Variants in CIRSR observed in about 807,000 individuals in gnomAD.
CIRSR encodes the protein corepressor of RBPJ and splicing regulator.
the CIRSR span, chr2:174,369,930 A>G: frequency 7.4e-7 from 1 of 1,349,412 alleles, no homozygotes; most frequent in Non-Finnish European, 9.9e-7. Context: ...CCAGAGACAA[A>G]GTAAGCACAT....
the CIRSR span, chr2:174,348,525 G>A: frequency 6.2e-7 from 1 of 1,613,238 alleles, no homozygotes; most frequent in Admixed American, 1.7e-5. Context: ...TTTAGTATGT[G>A]TACCTCCTGG....
At chr2:174,372,058 T>C in the CIRSR span, among the ~76,000 whole-genome samples, 1 of 152,234 alleles carries the variant, frequency 6.6e-6, no homozygotes. Flanking sequence ...TTATTTGCTT[T>C]CCTATTTCAT....
the CIRSR span, among the ~76,000 whole-genome samples, chr2:174,376,747 A>G: frequency 2.0e-5 from 3 of 149,218 alleles, no homozygotes; most frequent in East Asian, 2.0e-4. Flanking sequence ...GCAGTGAGCC[A>G]AGATCGTGCC....
chr2:174,387,527 T>C, the CIRSR span: 1 of 682,774 alleles, frequency 1.5e-6, no homozygotes, highest in African/African-American at 1.9e-5. Context: ...AGTGGTCATC[T>C]ACAGGTATGA....
chr2:174,360,792 C>T, the CIRSR span, among the ~76,000 whole-genome samples: 2 of 152,018 alleles, frequency 1.3e-5, no homozygotes, highest in African/African-American at 4.8e-5. Flanking sequence ...ATGCTAACAA[C>T]AAATTTAATT....
At chr2:174,355,517 T>C in the CIRSR span, among the ~76,000 whole-genome samples, 1 of 152,220 alleles carries the variant, frequency 6.6e-6, no homozygotes, top group African/African-American at 2.4e-5. Flanking sequence ...TCATTTATTT[T>C]ACAAACTTTT....
At chr2:174,380,488 G>A in the CIRSR span, among the ~76,000 whole-genome samples, 7 of 152,212 alleles carry the variant, frequency 4.6e-5, no homozygotes, top group South Asian at 4.1e-4. Context: ...AAAAGACTAT[G>A]AGCAAGCAGA....
At chr2:174,362,719 TACATTTA>T in the CIRSR span, among the ~76,000 whole-genome samples, 3 of 33,108 alleles carry the variant, frequency 9.1e-5, 1 homozygote, top group Admixed American at 1.1e-3. Context: ...AAAAAAATCT[TACATTTA>T]TCAGAGAATT....
chr2:174,385,597 G>A, the CIRSR span, among the ~76,000 whole-genome samples: 1 of 152,058 alleles, frequency 6.6e-6, no homozygotes, highest in African/African-American at 2.4e-5. Context: ...AGACGAGTCT[G>A]ACCACCTTGT....
chr2:174,383,635 G>T, the CIRSR span, among the ~76,000 whole-genome samples: 3 of 148,988 alleles, frequency 2.0e-5, no homozygotes, highest in Admixed American at 2.0e-4. Context: ...CACAAAAATC[G>T]CTTGAACCTC....
chr2:174,384,518 T>C, the CIRSR span, among the ~76,000 whole-genome samples: 1 of 152,218 alleles, frequency 6.6e-6, no homozygotes. Flanking sequence ...TTTTATGCAA[T>C]ATATATTTTA....
the CIRSR span, among the ~76,000 whole-genome samples, chr2:174,383,711 C>A: frequency 9.1e-3 from 1,082 of 119,430 alleles, 33 homozygotes; most frequent in Admixed American, 0.068. Context: ...TAGAGTGAGA[C>A]TCCGTCTCAA....
At chr2:174,374,496 C>G in the CIRSR span, among the ~76,000 whole-genome samples, 1 of 152,100 alleles carries the variant, frequency 6.6e-6, no homozygotes, top group African/African-American at 2.4e-5. Flanking sequence ...GGCTGATGTG[C>G]AAGATGTCAA....
chr2:174,361,863 T>TA, the CIRSR span, among the ~76,000 whole-genome samples: 1 of 152,210 alleles, frequency 6.6e-6, no homozygotes, highest in Non-Finnish European at 1.5e-5. Flanking sequence ...TATTTTTTTT[T>TA]AAAAGCAATT....
chr2:174,358,608 T>C, the CIRSR span: 1 of 152,644 alleles, frequency 6.6e-6, no homozygotes, highest in African/African-American at 2.4e-5. Flanking sequence ...TATGCAAATA[T>C]TTTAGTGATG....
At chr2:174,352,037 TA>T in the CIRSR span, 1 of 192,110 alleles carries the variant, frequency 5.2e-6, no homozygotes, top group African/African-American at 2.3e-5. Flanking sequence ...AATATTATAA[TA>T]AAAAACTACA....
At chr2:174,371,645 AAGG>A in the CIRSR span, among the ~76,000 whole-genome samples, 5 of 152,248 alleles carry the variant, frequency 3.3e-5, no homozygotes, top group Admixed American at 6.5e-5. Flanking sequence ...TAACTTTGCA[AAGG>A]AGAAGTAAAT....
At chr2:174,384,403 T>C in the CIRSR span, among the ~76,000 whole-genome samples, 11 of 152,310 alleles carry the variant, frequency 7.2e-5, no homozygotes, top group South Asian at 1.9e-3. Flanking sequence ...AATGGTTTAA[T>C]GGTTACAAAG....
At chr2:174,367,818 T>C in the CIRSR span, among the ~76,000 whole-genome samples, 2 of 148,200 alleles carry the variant, frequency 1.3e-5, no homozygotes, top group Non-Finnish European at 3.0e-5. Flanking sequence ...CAACTATATG[T>C]TATTGCTGTC....
Sources: gnomAD v4.1 joint callset for allele counts (sites outside exome capture counted in the v4.1 genomes callset) on GRCh38, gnomAD v4.1.1 for gene constraint, MANE v1.5 for transcripts, NCBI Gene and HGNC (gene_info 2026-07-23, HGNC 2026-07-21) for gene names.